The following INPP5B variants were observed in gnomAD, a reference collection of about 807,000 sequenced individuals.
INPP5B encodes type II inositol 1,4,5-trisphosphate 5-phosphatase.
Under a neutral mutation model 118.5 loss-of-function variants are expected in INPP5B, and 90 were observed. The ratio of observed to expected loss-of-function variants is 0.76; its 90% CI spans 0.64 to 0.90. INPP5B has a LOEUF of 0.90. Among genes scored for constraint, INPP5B ranks in the 40% least tolerant of loss-of-function variants. The probability of loss-of-function intolerance (pLI) is 0.00; values close to 1 mark genes in which losing one functional copy is unlikely to be tolerated. For missense variants in INPP5B, 984 were observed against 1,125.6 expected, an observed-to-expected ratio of 0.87 and a Z score of 1.80; for synonymous variants, 385 against 418.9, an observed-to-expected ratio of 0.92 and a Z score of 0.99.
At chr1:37,878,986 G>A (rs936581759) in intron 15 of INPP5B, among the ~76,000 whole-genome samples, 1 of 150,406 alleles carries the variant, frequency 6.6e-6, no homozygotes, top group East Asian at 2.0e-4. Flanking sequence ...GGCCAGGCAC[G>A]GTGGCTCACG....
intron 11 of INPP5B, 86 bp downstream of exon 11, chr1:37,887,265 T>G: frequency 1.1e-6 from 1 of 904,880 alleles, no homozygotes. Context: ...TGGCTTAAGA[T>G]AAAGGTCATG....
intron 6 of INPP5B, among the ~76,000 whole-genome samples, chr1:37,937,542 G>A (rs1488895120): frequency 3.3e-5 from 5 of 151,400 alleles, no homozygotes; most frequent in African/African-American, 9.7e-5. Flanking sequence ...CAAAGTGGGC[G>A]GATCACCTGA....
chr1:37,884,200 C>A (rs1643376444), intron 13 of INPP5B: 1 of 152,126 alleles, frequency 6.6e-6, no homozygotes, highest in Non-Finnish European at 1.5e-5. Context: ...GGTAGGCAGA[C>A]CCAAATTAAA....
intron 7 of INPP5B, among the ~76,000 whole-genome samples, chr1:37,896,272 C>A (rs1416892064): frequency 6.7e-6 from 1 of 149,708 alleles, no homozygotes; most frequent in African/African-American, 2.5e-5. Flanking sequence ...AGCCCCTCCG[C>A]CCGGCAGCCG....
chr1:37,865,673 T>C, intron 22 of INPP5B, 88 bp downstream of exon 22: 1 of 1,437,866 alleles, frequency 7.0e-7, no homozygotes, highest in Non-Finnish European at 9.6e-7. Context: ...GTTTCTGAGA[T>C]GCTGCACTTG....
intron 7 of INPP5B, among the ~76,000 whole-genome samples, chr1:37,897,342 T>C (rs1223872904): frequency 6.7e-6 from 1 of 149,410 alleles, no homozygotes; most frequent in Non-Finnish European, 1.5e-5. Flanking sequence ...GCCGTGTCTG[T>C]GTAGAAAGAG....
At chr1:37,887,265 TA>T in intron 11 of INPP5B, 85 bp downstream of exon 11, 1 of 904,880 alleles carries the variant, frequency 1.1e-6, no homozygotes, top group South Asian at 1.5e-5. Context: ...TGGCTTAAGA[TA>T]AAGGTCATGG....
intron 10 of INPP5B, 32 bp from the exon 11 acceptor site, chr1:37,887,497 A>G (rs1289142381): frequency 7.7e-7 from 1 of 1,299,854 alleles, no homozygotes. Context: ...TAGATAGTAA[A>G]GAAAAGTAAT....
At chr1:37,908,214 A>G (rs1644562746) in intron 7 of INPP5B, among the ~76,000 whole-genome samples, 1 of 152,110 alleles carries the variant, frequency 6.6e-6, no homozygotes, top group Non-Finnish European at 1.5e-5. Flanking sequence ...TGGTGCCAAA[A>G]CCCAGGACAG....
Position 37,940,743 on chromosome 1 carries a change from C to G in INPP5B, c.336G>C (p.Leu112=). ...DTAELSLVFQ[L]PFGSQTRMFL... The stretch of plus-strand genomic sequence containing the variant: ...ACATCCTGGTTTGTGAACCAAAGGG[C>G]AGTTGGAATACGAGGCTAAGCTCTG... The change falls in exon 6 of 24, where the codon CTG becomes CTC. Residue 112 remains leucine (L), a synonymous_variant. Transcript: ENST00000373024. The G allele has an allele frequency of 6.2e-7, 1 of 1,613,990 alleles. No homozygotes were observed. Among genetic ancestry groups the G allele is most frequent in the South Asian group, 1.1e-5 (1 of 91,070 alleles).
intron 5 of INPP5B, among the ~76,000 whole-genome samples, chr1:37,941,008 AG>A (rs1246958995): frequency 2.0e-5 from 3 of 152,146 alleles, no homozygotes; most frequent in Admixed American, 1.3e-4. Flanking sequence ...TACAGGAGGC[AG>A]AAGAAGGCTC....
intron 5 of INPP5B, chr1:37,941,958 A>AAAAAAAAATATATATATATATATATAT (rs1427344681): frequency 3.3e-5 from 1 of 30,356 alleles, no homozygotes; most frequent in Non-Finnish European, 6.6e-5. Context: ...AAAAAAAAAA[A>AAAAAAAAATATATATATATATATATAT]ATATATATAT....
chr1:37,889,614 A>C lies in INPP5B; in HGVS notation c.740T>G (p.Ile247Ser). Residue 247 changes from isoleucine (I) to serine (S), a missense_variant, in exon 9 of 24, where the codon ATT becomes AGT. Physicochemically the swap from Ile to Ser is moderately radical, Grantham distance 142. Coordinates refer to ENST00000373024, the MANE Select transcript of INPP5B (RefSeq NM_005540.3). The part of the protein sequence containing the change: ...SMQKFGLRDT[I>S]VKSHLLQKEE... ...TTTCTGTAGTAGATGTGATTTCACAATTGTATCTCGCAGTCCAAACTTCTG... is the reference window on the plus strand; with the variant it reads ...TTTCTGTAGTAGATGTGATTTCACACTTGTATCTCGCAGTCCAAACTTCTG... The C allele has an allele frequency of 1.2e-6, 2 of 1,614,084 alleles. No individual in the cohort carries two copies. The highest frequency in any genetic ancestry group is 1.7e-6 in the Non-Finnish European group (2 of 1,179,944).
rs28645778 is a variant in INPP5B, at chr1:37,887,021, T to A, written c.1015-17A>T. 25 of 1,602,330 alleles carry A rather than the reference T, an allele frequency of 1.6e-5. No homozygotes were observed. Among genetic ancestry groups the A allele is most frequent in the Non-Finnish European group, 2.0e-5 (23 of 1,170,068 alleles). On this transcript the variant is annotated splice_polypyrimidine_tract_variant and intron_variant, in intron 11 of 23. Transcript: ENST00000373024. ...AAGCTTCACCTGGAAAAGAGAGACA[T>A]GGCATTAAATAGAAATTGCAAACAG...
At chr1:37,906,152 T>G (rs949848119) in intron 7 of INPP5B, among the ~76,000 whole-genome samples, 19 of 152,206 alleles carry the variant, frequency 1.2e-4, no homozygotes, top group African/African-American at 4.3e-4. Flanking sequence ...AAGAATCAAA[T>G]TTGACTAACA....
intron 7 of INPP5B, among the ~76,000 whole-genome samples, chr1:37,914,734 T>C (rs1644810862): frequency 6.6e-6 from 1 of 152,148 alleles, no homozygotes; most frequent in Non-Finnish European, 1.5e-5. Context: ...GGCATGATAA[T>C]GGTTCCATTA....
intron 13 of INPP5B, 48 bp downstream of exon 13, chr1:37,885,590 A>G (rs1351349119): frequency 1.3e-6 from 2 of 1,547,758 alleles, no homozygotes; most frequent in African/African-American, 1.4e-5. Context: ...AGAGCCCACA[A>G]CTCTATGTAC....
At chr1:37,922,572 T>G (rs1383870560) in intron 7 of INPP5B, among the ~76,000 whole-genome samples, 3 of 152,114 alleles carry the variant, frequency 2.0e-5, no homozygotes, top group African/African-American at 7.2e-5. Context: ...GGCAGGCGCC[T>G]GTAGTCCCAG....
intron 7 of INPP5B, among the ~76,000 whole-genome samples, chr1:37,915,520 C>A (rs1302635518): frequency 1.3e-5 from 2 of 152,200 alleles, no homozygotes. Flanking sequence ...GACTTCAGAA[C>A]TGCTGATAAG....
Sources: gnomAD v4.1 joint callset for allele counts (sites outside exome capture counted in the v4.1 genomes callset) on GRCh38, gnomAD v4.1.1 for gene constraint, MANE v1.5 for transcripts, NCBI Gene and HGNC (gene_info 2026-07-23, HGNC 2026-07-21) for gene names.